Variants in SORCS2 observed in about 807,000 individuals in gnomAD.
SORCS2 encodes the protein VPS10 domain-containing receptor SorCS2.
Under a neutral mutation model 141.6 loss-of-function variants are expected in SORCS2, and 100 were observed. That is an observed-to-expected ratio of 0.71 (90% CI 0.60 to 0.83). The LOEUF (loss-of-function observed/expected upper bound fraction) is 0.83, where lower values mean the gene tolerates loss of function less well. Ranked by LOEUF, SORCS2 falls within the 40% of genes least tolerant of loss-of-function variation. The probability of loss-of-function intolerance (pLI) is 0.00; values close to 1 mark genes in which losing one functional copy is unlikely to be tolerated. For missense variants in SORCS2, 1,646 were observed against 1,560.2 expected, an observed-to-expected ratio of 1.05 and a Z score of -0.93; for synonymous variants, 789 against 676.9, an observed-to-expected ratio of 1.17 and a Z score of -2.57.
intron 3 of SORCS2, among the ~76,000 whole-genome samples, chr4:7,558,625 G>A (rs541112134): frequency 1.5e-4 from 23 of 152,284 alleles, no homozygotes; most frequent in African/African-American, 5.3e-4. Context: ...ATGAGCTGAC[G>A]TGAGTGATGT....
At position 7,676,208 on chromosome 4, in the gene SORCS2, C is replaced by T. The variant is rs562144942; in HGVS notation, c.1320C>T (p.Ser440=). 1.2e-5 allele frequency: 19 copies of T among 1,551,216 alleles called. No homozygotes were observed. The Admixed American group carries it at 1.8e-4, about 14-fold the overall frequency. ...GCAGCTCACGGCAGGCGGAGGAGAG[C>T]GTGCTCATCGACATCCTGGAGGTGG... ...DVRSSRQAEE[S]VLIDILEVRG... is the part of the protein sequence containing the mutation. The change falls in exon 9 of 27, where the codon AGC becomes AGT. Residue 440 remains serine, a synonymous_variant. Coordinates refer to ENST00000507866, the MANE Select transcript of SORCS2 (RefSeq NM_020777.3).
intron 1 of SORCS2, among the ~76,000 whole-genome samples, chr4:7,270,884 A>G (rs990270051): frequency 3.9e-5 from 6 of 152,260 alleles, no homozygotes; most frequent in Non-Finnish European, 7.3e-5. Context: ...CCGAAATGAA[A>G]CAAGGGGTTG....
intron 1 of SORCS2, among the ~76,000 whole-genome samples, chr4:7,352,720 G>C (rs1022354240): frequency 6.6e-6 from 1 of 152,218 alleles, no homozygotes; most frequent in Admixed American, 6.5e-5. Flanking sequence ...ACCTGCTGCA[G>C]CTGGAACGGC....
chr4:7,407,267 C>T (rs1488872896), intron 2 of SORCS2, among the ~76,000 whole-genome samples: 2 of 152,056 alleles, frequency 1.3e-5, no homozygotes, highest in African/African-American at 2.4e-5. Context: ...CTGCTCATAA[C>T]TGAGAGGAGT....
At chr4:7,302,788 TGC>T (rs151172912) in intron 1 of SORCS2, among the ~76,000 whole-genome samples, 25 of 126,326 alleles carry the variant, frequency 2.0e-4, no homozygotes, top group African/African-American at 5.6e-4. Context: ...TGTGTGTGTG[TGC>T]GCGCGCGTGT....
intron 2 of SORCS2, among the ~76,000 whole-genome samples, chr4:7,459,446 C>T (rs868724300): frequency 5.3e-5 from 8 of 152,296 alleles, no homozygotes; most frequent in Middle Eastern, 3.4e-3. Flanking sequence ...GTTTCCTTAT[C>T]TGTAAAATGG....
intron 1 of SORCS2, among the ~76,000 whole-genome samples, chr4:7,279,117 T>C (rs1195817229): frequency 6.6e-6 from 1 of 152,162 alleles, no homozygotes; most frequent in Non-Finnish European, 1.5e-5. Context: ...TAGCTGTCTG[T>C]GAGGGAGTTC....
rs1011248741 is a variant in SORCS2, at chr4:7,233,354, C to T, written c.480+40228C>T. ...TGTCATCATGATGACGTCTCCTGGC[C>T]ACCGCTGAGCACCTGCTCCAGGGCA... is the stretch of plus-strand genomic sequence containing the variant. On this transcript the variant is annotated intron_variant, in intron 1 of 26. Transcript: ENST00000507866. This position sits in a 1 kb window ranked among gnomAD's most constrained non-coding sequence, Gnocchi z 4.5. 2.0e-5 allele frequency among the ~76,000 whole-genome samples: 3 copies of T among 152,142 alleles called. No individual in the cohort carries two copies. Among genetic ancestry groups the T allele is most frequent in the African/African-American group, 7.2e-5 (3 of 41,424 alleles).
At chr4:7,556,363 A>T (rs1043010503) in intron 3 of SORCS2, among the ~76,000 whole-genome samples, 3 of 152,100 alleles carry the variant, frequency 2.0e-5, no homozygotes, top group Admixed American at 2.0e-4. Flanking sequence ...TATATTAGCA[A>T]AGAGCTCCAG....
chr4:7,706,485 A>G (rs377582824), intron 14 of SORCS2, among the ~76,000 whole-genome samples: 618 of 30,288 alleles, frequency 0.02, no homozygotes, highest in Middle Eastern at 0.042. Flanking sequence ...GCCTGGACAG[A>G]GATGAGGCTG....
chr4:7,383,591 A>T (rs1405325576), intron 1 of SORCS2, among the ~76,000 whole-genome samples: 1 of 152,226 alleles, frequency 6.6e-6, no homozygotes, highest in Non-Finnish European at 1.5e-5. Context: ...CCTCCCGGAG[A>T]TACCCGGGCA....
intron 11 of SORCS2, among the ~76,000 whole-genome samples, chr4:7,691,227 A>G (rs1724228051): frequency 1.3e-5 from 2 of 152,244 alleles, no homozygotes; most frequent in African/African-American, 2.4e-5. Flanking sequence ...GCTGGACACC[A>G]CATCTTACCC....
At chr4:7,694,983 C>T (rs894836588) in intron 11 of SORCS2, among the ~76,000 whole-genome samples, 3 of 151,734 alleles carry the variant, frequency 2.0e-5, no homozygotes, top group African/African-American at 7.3e-5. Flanking sequence ...CGTCCTGGCT[C>T]TGTGTTCACC....
chr4:7,725,577 G>C (rs1727160825), intron 20 of SORCS2, among the ~76,000 whole-genome samples: 1 of 152,214 alleles, frequency 6.6e-6, no homozygotes, highest in Non-Finnish European at 1.5e-5. Flanking sequence ...AAGTCACAGA[G>C]GCAGGTAGGT....
chr4:7,562,382 A>G (rs1324635026), intron 3 of SORCS2, among the ~76,000 whole-genome samples: 1 of 152,040 alleles, frequency 6.6e-6, no homozygotes, highest in African/African-American at 2.4e-5. Flanking sequence ...AGTGGTGGCT[A>G]CAAGGAGGAG....
At chr4:7,350,459 G>T (rs983573016) in intron 1 of SORCS2, among the ~76,000 whole-genome samples, 1 of 152,232 alleles carries the variant, frequency 6.6e-6, no homozygotes, top group African/African-American at 2.4e-5. Context: ...TAGGAATTTT[G>T]ACCTTTGATG....
chr4:7,718,299 G>A (rs1049559809), intron 18 of SORCS2, 116 bp downstream of exon 18: 36 of 1,200,052 alleles, frequency 3.0e-5, no homozygotes, highest in Middle Eastern at 5.4e-4. Context: ...TCAGGGCATC[G>A]TCATCAGCCA....
intron 13 of SORCS2, among the ~76,000 whole-genome samples, chr4:7,703,591 C>A (rs1302428376): frequency 6.6e-6 from 1 of 152,148 alleles, no homozygotes; most frequent in Non-Finnish European, 1.5e-5. Flanking sequence ...GGGAGACAGG[C>A]ACAGAGGGAG....
intron 1 of SORCS2, among the ~76,000 whole-genome samples, chr4:7,346,152 T>C (rs1429606134): frequency 6.6e-6 from 1 of 152,194 alleles, no homozygotes; most frequent in African/African-American, 2.4e-5. Flanking sequence ...AGATAATTGA[T>C]GTTAGGGTTT....
Sources: allele counts gnomAD v4.1 joint callset (sites outside exome capture counted in the v4.1 genomes callset), GRCh38; gene constraint gnomAD v4.1.1; non-coding constraint Gnocchi (gnomAD v3.1); transcripts MANE v1.5; gene names NCBI Gene and HGNC (gene_info 2026-07-23, HGNC 2026-07-21).